The following WDR64 variants were observed in gnomAD, a reference collection of about 807,000 sequenced individuals.
WDR64 encodes the protein WD repeat-containing protein 64.
Under a neutral mutation model 139.3 loss-of-function variants are expected in WDR64, and 112 were observed. That is an observed-to-expected ratio of 0.80 (90% CI 0.69 to 0.94). The LOEUF (loss-of-function observed/expected upper bound fraction) is 0.94, where lower values mean the gene tolerates loss of function less well. WDR64 is among the 40% of genes least tolerant of loss of function. The pLI, the probability that WDR64 is intolerant of heterozygous loss-of-function variation, is 0.00. For synonymous variants in WDR64, 444 were observed against 437.7 expected, an observed-to-expected ratio of 1.01 and a Z score of -0.18; for missense variants, 1,206 against 1,293.1, an observed-to-expected ratio of 0.93 and a Z score of 1.03.
intron 27 of WDR64, among the ~76,000 whole-genome samples, chr1:241,800,761 T>C (rs1398134382): frequency 1.3e-5 from 2 of 152,200 alleles, no homozygotes; most frequent in Non-Finnish European, 2.9e-5. Context: ...TAATCTGCAA[T>C]ATTAATTAAT....
At chr1:241,749,480 C>T (rs769542992) in intron 13 of WDR64, 67 bp from the exon 14 acceptor site, 255 of 1,541,580 alleles carry the variant, frequency 1.7e-4, no homozygotes, top group Non-Finnish European at 2.1e-4. Flanking sequence ...TGAATTTTCT[C>T]TGAGCGAAAA....
chr1:241,750,907 T>C (rs1402937580), intron 14 of WDR64, among the ~76,000 whole-genome samples: 1 of 152,162 alleles, frequency 6.6e-6, no homozygotes, highest in African/African-American at 2.4e-5. Flanking sequence ...TGAGGGGTAT[T>C]TGGAGAACTT....
At chr1:241,693,273 C>G (rs185646288) in intron 8 of WDR64, among the ~76,000 whole-genome samples, 1 of 152,002 alleles carries the variant, frequency 6.6e-6, no homozygotes, top group African/African-American at 2.4e-5. Context: ...CATGGAGGAC[C>G]CTTAAATGCA....
At position 241,679,353 on chromosome 1, in the gene WDR64, T is replaced by C. The variant is rs2148098423; in HGVS notation, c.514-132T>C. The stretch of plus-strand genomic sequence containing the variant: ...CTGTATCCCAGACACTCAGACAGGA[T>C]GTACTGCAAGGCTTCTCTGTAATAA... On this transcript the variant is annotated intron_variant, in intron 5 of 27. Coordinates refer to ENST00000437684, the MANE Select transcript of WDR64 (RefSeq NM_001367482.1). The C allele has an allele frequency of 1.2e-5, 8 of 691,654 alleles. No individual in the cohort carries two copies. The South Asian group carries it at 1.2e-4, about 11-fold the overall frequency. 42.8% of individuals were successfully genotyped at this position (691,654 alleles called of 1,614,324 possible). A position where few individuals can be genotyped will look rare whatever the true frequency, so the allele number is the denominator to read the frequency against.
In WDR64 at chr1:241,671,148, G is replaced by A. The variant is rs767342088; in HGVS notation, c.351G>A (p.Val117=). 3.2e-6 allele frequency: 5 copies of A among 1,550,464 alleles called. No homozygotes were observed. Among genetic ancestry groups the A allele is most frequent in the South Asian group, 2.4e-5 (2 of 83,724 alleles). ...QLDEENLVFF[V]SRKRRILISG... is the part of the protein sequence containing the mutation. The stretch of plus-strand genomic sequence containing the variant: ...ATGAAGAAAATTTGGTTTTCTTTGT[G>A]TCTAGAAAAAGGCGAATTTTAATTT... Residue 117 remains valine, a synonymous_variant, in exon 3 of 28, where the codon GTG becomes GTA. Coordinates refer to ENST00000437684, the MANE Select transcript of WDR64 (RefSeq NM_001367482.1).
intron 8 of WDR64, among the ~76,000 whole-genome samples, chr1:241,705,229 T>G (rs1667886373): frequency 6.6e-6 from 1 of 152,144 alleles, no homozygotes; most frequent in African/African-American, 2.4e-5. Flanking sequence ...CATGGAGAAT[T>G]TATTTTTTTT....
intron 2 of WDR64, among the ~76,000 whole-genome samples, chr1:241,662,104 C>T (rs139025507): frequency 7.9e-5 from 12 of 152,114 alleles, no homozygotes; most frequent in African/African-American, 2.4e-4. Flanking sequence ...AACAATCTAG[C>T]GGAATAGAAA....
At position 241,796,355 on chromosome 1, in the gene WDR64, T is replaced by C. The variant is rs1351755799; in HGVS notation, c.3177T>C (p.His1059=). ...DGITGKKKGG[H]VQREKAPRRR... ...TTACAGGAAAGAAGAAGGGAGGTCA[T>C]GTTCAACGTGAAAAAGTAAGTTAGT... Residue 1059 remains histidine (H), a synonymous_variant, in exon 27 of 28, where the codon CAT becomes CAC. Transcript: ENST00000437684. 2.5e-6 allele frequency: 4 copies of C among 1,612,620 alleles called. No individual in the cohort carries two copies. The highest frequency in any genetic ancestry group is 1.7e-6 in the Non-Finnish European group (2 of 1,178,934).
At chr1:241,744,585 C>T (rs991338298) in intron 13 of WDR64, 69 bp downstream of exon 13, 47 of 1,594,620 alleles carry the variant, frequency 2.9e-5, no homozygotes, top group Admixed American at 1.9e-4. Context: ...AAAACTCTTT[C>T]GTTCTTTAGG....
intron 1 of WDR64, among the ~76,000 whole-genome samples, chr1:241,652,867 G>C (rs1395320310): frequency 6.6e-6 from 1 of 152,138 alleles, no homozygotes; most frequent in African/African-American, 2.4e-5. Context: ...AACCGAAGTT[G>C]CTTCAATTGT....
At chr1:241,746,211 T>A (rs1042523086) in intron 13 of WDR64, among the ~76,000 whole-genome samples, 6 of 151,862 alleles carry the variant, frequency 4.0e-5, no homozygotes, top group African/African-American at 1.5e-4. Flanking sequence ...AATAGTGCAG[T>A]GAAAACACTC....
intron 15 of WDR64, among the ~76,000 whole-genome samples, chr1:241,763,434 G>A (rs1658011114): frequency 6.6e-6 from 1 of 152,184 alleles, no homozygotes; most frequent in African/African-American, 2.4e-5. Context: ...AGTCGGCCAG[G>A]CACAGTGGCT....
chr1:241,735,182 T>C (rs1046382490), intron 10 of WDR64, among the ~76,000 whole-genome samples: 3 of 152,180 alleles, frequency 2.0e-5, no homozygotes, highest in African/African-American at 7.2e-5. Flanking sequence ...CACTGCAGTT[T>C]TTCCCTCAAC....
intron 10 of WDR64, 91 bp from the exon 11 acceptor site, chr1:241,738,272 G>A (rs1669399819): frequency 6.8e-7 from 1 of 1,460,352 alleles, no homozygotes; most frequent in African/African-American, 1.4e-5. Context: ...GTTTATAAGA[G>A]TGTATTTCAA....
At chr1:241,781,386 A>C (rs1658838481) in intron 22 of WDR64, among the ~76,000 whole-genome samples, 2 of 152,206 alleles carry the variant, frequency 1.3e-5, no homozygotes, top group Admixed American at 1.3e-4. Context: ...ATGGCTGCCT[A>C]TTTATAAATA....
rs115024793 is a variant in WDR64, at chr1:241,696,706, C to T, written c.974+9111C>T. Among the ~76,000 whole-genome samples the T allele has an allele frequency of 4.9e-3, 747 of 152,160 alleles. 8 individuals are homozygous for T. The highest frequency in any genetic ancestry group is 0.017 in the African/African-American group (702 of 41,540). On this transcript the variant is annotated intron_variant, in intron 8 of 27. Coordinates refer to ENST00000437684, the MANE Select transcript of WDR64 (RefSeq NM_001367482.1). The stretch of plus-strand genomic sequence containing the variant: ...TAGCCTGCTACTGCATTATAATTTG[C>T]GTATAATGAGCAGTGAGGATGACCA...
chr1:241,715,564 A>C (rs1017720905), intron 9 of WDR64, among the ~76,000 whole-genome samples: 39 of 152,206 alleles, frequency 2.6e-4, no homozygotes, highest in Middle Eastern at 3.2e-3. Context: ...GCATGTCTTT[A>C]GTTAGGCAAA....
At chr1:241,791,832 A>G (rs1659224478) in intron 25 of WDR64, among the ~76,000 whole-genome samples, 1 of 152,228 alleles carries the variant, frequency 6.6e-6, no homozygotes, top group South Asian at 2.1e-4. Flanking sequence ...GTTAGGAAGT[A>G]GGAGAAAAGG....
At chr1:241,751,679 T>A (rs1403484890) in intron 14 of WDR64, among the ~76,000 whole-genome samples, 4 of 152,170 alleles carry the variant, frequency 2.6e-5, no homozygotes, top group Admixed American at 6.5e-5. Flanking sequence ...TGGTTTTATT[T>A]TCTCAAGTCT....
Sources: gnomAD v4.1 joint callset for allele counts (sites outside exome capture counted in the v4.1 genomes callset) on GRCh38, gnomAD v4.1.1 for gene constraint, MANE v1.5 for transcripts, NCBI Gene and HGNC (gene_info 2026-07-23, HGNC 2026-07-21) for gene names.